PCNT: variants seen among roughly 807,000 people sequenced by gnomAD.
PCNT encodes the protein pericentrin.
In PCNT, 319 loss-of-function variants were observed where a neutral mutation model predicts 380.4. The ratio of observed to expected loss-of-function variants is 0.84; its 90% confidence interval spans 0.77 to 0.92. The LOEUF (loss-of-function observed/expected upper bound fraction) is 0.92. Ranked by LOEUF, PCNT falls within the 40% of genes least tolerant of loss-of-function variation. The pLI, the probability that PCNT is intolerant of heterozygous loss-of-function variation, is 0.00. For missense variants in PCNT, 4,400 were observed against 4,255.3 expected (o/e 1.03, Z -0.95); for synonymous variants, 1,845 against 1,735.2 (o/e 1.06, Z -1.57).
At chr21:46,413,842 G>C (rs1484055104) in intron 29 of PCNT, among the ~76,000 whole-genome samples, 2 of 152,196 alleles carry the variant, frequency 1.3e-5, no homozygotes, top group Admixed American at 6.5e-5. Context: ...ATTGTAGCAG[G>C]GTGGAGATTT....
chr21:46,429,618 C>T (rs192890182), intron 35 of PCNT, among the ~76,000 whole-genome samples: 18 of 152,310 alleles, frequency 1.2e-4, no homozygotes, highest in Admixed American at 2.6e-4. Flanking sequence ...AGTAGCCCCT[C>T]CGCCCTCCGT....
At chr21:46,326,235 A>AG (rs2083390743) in intron 1 of PCNT, 142 bp from the exon 2 acceptor site, 1 of 717,314 alleles carries the variant, frequency 1.4e-6, no homozygotes, top group African/African-American at 1.8e-5. Context: ...GTTTGTGGAG[A>AG]GCCATCTGTT....
chr21:46,403,691 A>G (rs1251598256), intron 27 of PCNT, among the ~76,000 whole-genome samples: 3 of 137,742 alleles, frequency 2.2e-5, no homozygotes, highest in African/African-American at 8.5e-5. Flanking sequence ...TGTGGTGCCC[A>G]CGCGGCACGT....
intron 37 of PCNT, 126 bp from the exon 38 acceptor site, chr21:46,431,403 T>G: frequency 6.4e-7 from 1 of 1,557,216 alleles, no homozygotes; most frequent in Non-Finnish European, 8.7e-7. Flanking sequence ...TACATGTGGC[T>G]AATAGGGTGC....
intron 29 of PCNT, among the ~76,000 whole-genome samples, chr21:46,414,887 C>G (rs1211793077): frequency 1.3e-5 from 2 of 152,158 alleles, no homozygotes; most frequent in Non-Finnish European, 2.9e-5. Context: ...CAGCCACCCA[C>G]CCTGCTCTTC....
At chr21:46,348,266 T>A (rs1200734913) in intron 6 of PCNT, 1 of 163,974 alleles carries the variant, frequency 6.1e-6, no homozygotes, top group South Asian at 1.6e-4. Flanking sequence ...AGGCCTTGCG[T>A]GCAGAGGCTC....
intron 3 of PCNT, among the ~76,000 whole-genome samples, chr21:46,344,714 G>C (rs2084011406): frequency 6.6e-6 from 1 of 152,270 alleles, no homozygotes; most frequent in Non-Finnish European, 1.5e-5. Context: ...CCAGGCGCCA[G>C]TCGAGGGGCA....
At chr21:46,377,297 A>T (rs1351154225) in intron 15 of PCNT, among the ~76,000 whole-genome samples, 1 of 152,352 alleles carries the variant, frequency 6.6e-6, no homozygotes, top group Middle Eastern at 3.4e-3. Context: ...CTGGAGCAGC[A>T]GGTCCCGGAG....
intron 16 of PCNT, among the ~76,000 whole-genome samples, chr21:46,383,231 C>T (rs1296257829): frequency 1.6e-4 from 23 of 146,292 alleles, no homozygotes; most frequent in African/African-American, 5.8e-4. Context: ...GTGGCGGAAG[C>T]GCATTCACAG....
At position 46,399,750 on chromosome 21, in the gene PCNT, A is replaced by G. The variant is rs1477376821; in HGVS notation, c.4745A>G (p.Gln1582Arg). Residue 1582 changes from glutamine (Q) to arginine (R), a missense_variant, in exon 25 of 47, where the codon CAG becomes CGG. Coordinates refer to ENST00000359568, the MANE Select transcript of PCNT (RefSeq NM_006031.6). Reference sequence around the variant, plus strand: ...ATCAGGAAAAAAGTGGCCCAGCTCCAGGAAGAAGTGGAAAAACAGAAAAAC... The same window carrying G: ...ATCAGGAAAAAAGTGGCCCAGCTCCGGGAAGAAGTGGAAAAACAGAAAAAC... ...INIRKKVAQL[Q>R]EEVEKQKNIV... is the part of the protein sequence containing the mutation. 2 of 1,614,170 alleles carry G rather than the reference A, an allele frequency of 1.2e-6. No individual in the cohort carries two copies. Among genetic ancestry groups the G allele is most frequent in the Admixed American group, 1.7e-5 (1 of 60,028 alleles).
At chr21:46,400,887 G>A (rs946872463) in intron 25 of PCNT, among the ~76,000 whole-genome samples, 2 of 152,164 alleles carry the variant, frequency 1.3e-5, no homozygotes, top group Non-Finnish European at 2.9e-5. Context: ...AGGCCCTGAC[G>A]TGTTTCCGTT....
chr21:46,355,265 G>A (rs1440809741), intron 11 of PCNT, among the ~76,000 whole-genome samples, 187 bp from the exon 12 acceptor site: 2 of 152,268 alleles, frequency 1.3e-5, no homozygotes, highest in Non-Finnish European at 2.9e-5. Context: ...AGAGACGGGT[G>A]TGGGCGGGAG....
chr21:46,430,830 A>G, intron 37 of PCNT, 173 bp downstream of exon 37: 1 of 985,410 alleles, frequency 1.0e-6, no homozygotes, highest in African/African-American at 1.7e-5. Context: ...ACCTTGGTGT[A>G]GTGGCAGCCA....
At chr21:46,444,911 C>A in intron 46 of PCNT, 90 bp downstream of exon 46, 1 of 1,201,266 alleles carries the variant, frequency 8.3e-7, no homozygotes, top group Non-Finnish European at 1.2e-6. Context: ...TGGTATTCAG[C>A]TTAGTAACCA....
intron 26 of PCNT, 118 bp downstream of exon 26, chr21:46,401,839 C>A (rs184150905): frequency 6.4e-6 from 6 of 935,946 alleles, no homozygotes; most frequent in African/African-American, 3.3e-5. Flanking sequence ...ACTGTGTATT[C>A]TTTTCTTTTC....
At chr21:46,366,532 C>A in intron 14 of PCNT, 52 bp from the exon 15 acceptor site, 1 of 1,485,918 alleles carries the variant, frequency 6.7e-7, no homozygotes, top group South Asian at 1.1e-5. Context: ...TTGCAAGGGT[C>A]ATTGCTTCCT....
At position 46,440,189 on chromosome 21, in the gene PCNT, C is replaced by G; in HGVS notation, c.9380C>G (p.Thr3127Ser). The G allele has an allele frequency of 6.2e-7, 1 of 1,614,114 alleles. No individual in the cohort carries two copies. Among genetic ancestry groups the G allele is most frequent in the African/African-American group, 1.3e-5 (1 of 75,044 alleles). The change falls in exon 42 of 47, where the codon ACC (threonine) becomes AGC (serine). Residue 3127 changes from threonine (T) to serine (S), a missense_variant. Transcript: ENST00000359568. ...LPPAASEEAH[T>S]SNVKMEKLYL... Reference sequence around the variant, plus strand: ...CCAGCTGCCAGCGAGGAAGCACACACCAGCAATGTCAAGGTAGGAACGGTG... The same window carrying G: ...CCAGCTGCCAGCGAGGAAGCACACAGCAGCAATGTCAAGGTAGGAACGGTG...
intron 32 of PCNT, among the ~76,000 whole-genome samples, chr21:46,423,489 C>G (rs1173163705): frequency 6.6e-6 from 1 of 151,836 alleles, no homozygotes; most frequent in African/African-American, 2.4e-5. Flanking sequence ...AGCGCCTGGC[C>G]TCAAATTTTT....
chr21:46,394,144 C>T (rs530751739), intron 21 of PCNT, among the ~76,000 whole-genome samples: 20 of 152,342 alleles, frequency 1.3e-4, no homozygotes, highest in African/African-American at 4.6e-4. Flanking sequence ...CGCCAGCTAC[C>T]GGCCCTGACC....
Sources: allele counts gnomAD v4.1 joint callset (sites outside exome capture counted in the v4.1 genomes callset), GRCh38; gene constraint gnomAD v4.1.1; transcripts MANE v1.5; gene names NCBI Gene and HGNC (gene_info 2026-07-23, HGNC 2026-07-21).